Variants in PEBP4 observed in about 807,000 individuals in gnomAD.
PEBP4 encodes phosphatidylethanolamine-binding protein 4.
Under a neutral mutation model 23.9 loss-of-function variants are expected in PEBP4, and 22 were observed. That is an observed-to-expected ratio of 0.92 (90% confidence interval 0.66 to 1.31). The LOEUF is 1.31. Among genes scored for constraint, PEBP4 ranks in the 40% most tolerant of loss-of-function variants. The pLI, the probability that PEBP4 is intolerant of heterozygous loss-of-function variation, is 0.00. For synonymous variants in PEBP4, 112 were observed against 99.3 expected, an observed-to-expected ratio of 1.13 and a Z score of -0.76; for missense variants, 324 against 281.7, an observed-to-expected ratio of 1.15 and a Z score of -1.07.
chr8:22,782,852 T>C (rs1805955195), intron 4 of PEBP4, among the ~76,000 whole-genome samples: 1 of 152,014 alleles, frequency 6.6e-6, no homozygotes, highest in African/African-American at 2.4e-5. Context: ...CACCTGGAGG[T>C]TAGTGTCCTC....
At chr8:22,719,049 T>C (rs4872539) in intron 6 of PEBP4, among the ~76,000 whole-genome samples, 56,112 of 151,858 alleles carry the variant, frequency 0.37, 11,159 homozygotes, top group African/African-American at 0.51. Flanking sequence ...CAACCCCCTA[T>C]GTGGCAAGTC....
At chr8:22,911,201 C>T (rs1000280576) in intron 3 of PEBP4, among the ~76,000 whole-genome samples, 6 of 152,206 alleles carry the variant, frequency 3.9e-5, no homozygotes, top group Admixed American at 3.3e-4. Context: ...GCTCTGCCTG[C>T]CATGACACCC....
chr8:22,936,701 C>A (rs1347939620), intron 1 of PEBP4, among the ~76,000 whole-genome samples: 1 of 152,084 alleles, frequency 6.6e-6, no homozygotes, highest in Non-Finnish European at 1.5e-5. Flanking sequence ...GCAAAAGTCC[C>A]CAACAAAATA....
intron 4 of PEBP4, among the ~76,000 whole-genome samples, chr8:22,803,926 C>T (rs542813962): frequency 2.0e-5 from 3 of 152,300 alleles, no homozygotes; most frequent in South Asian, 2.1e-4. Context: ...TCCATGGCCA[C>T]GGCTCTTGCC....
At chr8:22,906,791 G>A (rs1808825538) in intron 3 of PEBP4, among the ~76,000 whole-genome samples, 1 of 152,244 alleles carries the variant, frequency 6.6e-6, no homozygotes, top group Non-Finnish European at 1.5e-5. Flanking sequence ...TGCTTGGTAT[G>A]CACCAGTGAA....
rs1210400911 is a variant in PEBP4, at chr8:22,917,638, AT to A, written c.258+2545del. Among the ~76,000 whole-genome samples, 215 of 152,190 alleles carry A rather than the reference AT, an allele frequency of 1.4e-3. 2 individuals are homozygous for A. Among genetic ancestry groups the A allele is most frequent in the Non-Finnish European group, 4.0e-4 (27 of 67,992 alleles). On this transcript the variant is annotated intron_variant, in intron 3 of 6. Transcript: ENST00000256404. ...CTCACTTCCATAGGACCTGCCTTGC[AT>A]TTCCTACCTAACATCCTTTCACCCT...
chr8:22,927,761 G>A (rs531060762), intron 1 of PEBP4, 41 bp from the exon 2 acceptor site: 2 of 1,610,804 alleles, frequency 1.2e-6, no homozygotes, highest in South Asian at 1.1e-5. Context: ...ATCCCCTGCA[G>A]GGGCCTTCCT....
upstream of PEBP4, among the ~76,000 whole-genome samples, chr8:22,930,223 G>A (rs1232363310): frequency 6.6e-6 from 1 of 152,082 alleles, no homozygotes; most frequent in Non-Finnish European, 1.5e-5. Context: ...TCCTTTCTAT[G>A]CCAGGGCTGT....
At chr8:22,761,871 A>G (rs951321162) in intron 4 of PEBP4, among the ~76,000 whole-genome samples, 6 of 152,142 alleles carry the variant, frequency 3.9e-5, no homozygotes, top group Non-Finnish European at 8.8e-5. Context: ...ACACATTTAT[A>G]GCACAATGCT....
At chr8:22,798,906 T>C (rs1806325945) in intron 4 of PEBP4, among the ~76,000 whole-genome samples, 3 of 148,580 alleles carry the variant, frequency 2.0e-5, no homozygotes, top group Non-Finnish European at 4.4e-5. Flanking sequence ...CCCGGCTAAT[T>C]TGTTTATTTT....
intron 1 of PEBP4, among the ~76,000 whole-genome samples, chr8:22,934,871 C>T (rs1250489062): frequency 6.6e-6 from 1 of 152,090 alleles, no homozygotes; most frequent in Non-Finnish European, 1.5e-5. Context: ...ATACTGTCCA[C>T]AATAGACTTG....
intron 5 of PEBP4, among the ~76,000 whole-genome samples, chr8:22,726,071 T>G (rs561339132): frequency 1.6e-4 from 24 of 151,894 alleles, no homozygotes; most frequent in African/African-American, 5.3e-4. Context: ...GAGCTGGGTG[T>G]GCTGAGAGCC....
chr8:22,884,731 A>C (rs910416733), intron 3 of PEBP4: 1 of 152,214 alleles, frequency 6.6e-6, no homozygotes. Context: ...CAGCCTTCAC[A>C]TAAGTTCAAT....
chr8:22,875,918 T>C (rs537235629), intron 3 of PEBP4, among the ~76,000 whole-genome samples: 3 of 152,116 alleles, frequency 2.0e-5, no homozygotes, highest in African/African-American at 7.2e-5. Flanking sequence ...TCACCTGTTC[T>C]TTTTTTTCTG....
chr8:22,751,301 G>C (rs1313448785), intron 4 of PEBP4, among the ~76,000 whole-genome samples: 1 of 152,196 alleles, frequency 6.6e-6, no homozygotes, highest in African/African-American at 2.4e-5. Context: ...GGAGAGACCC[G>C]TGAGCTCTAG....
intron 4 of PEBP4, among the ~76,000 whole-genome samples, chr8:22,796,150 T>A (rs539367762): frequency 3.3e-5 from 5 of 152,256 alleles, no homozygotes; most frequent in Non-Finnish European, 7.3e-5. Flanking sequence ...GAGTCTAATG[T>A]TGGCAAATCC....
At chr8:22,767,521 G>A (rs878957156) in intron 4 of PEBP4, among the ~76,000 whole-genome samples, 2 of 152,204 alleles carry the variant, frequency 1.3e-5, no homozygotes, top group African/African-American at 2.4e-5. Context: ...TGATTCCTAC[G>A]ATAGAATACT....
At chr8:22,766,693 G>A (rs538816181) in intron 4 of PEBP4, among the ~76,000 whole-genome samples, 10 of 152,294 alleles carry the variant, frequency 6.6e-5, no homozygotes, top group South Asian at 6.2e-4. Context: ...CCGGGGCGGC[G>A]GTTGGGGGAA....
intron 3 of PEBP4, among the ~76,000 whole-genome samples, chr8:22,907,387 C>T (rs1808839474): frequency 6.6e-6 from 1 of 152,102 alleles, no homozygotes; most frequent in Admixed American, 6.5e-5. Context: ...TGGTGCACAC[C>T]TGTAGTCCCA....
Sources: allele counts gnomAD v4.1 joint callset (sites outside exome capture counted in the v4.1 genomes callset), GRCh38; gene constraint gnomAD v4.1.1; transcripts MANE v1.5; gene names NCBI Gene and HGNC (gene_info 2026-07-23, HGNC 2026-07-21).